Variants in TOP1MT observed in about 807,000 individuals in gnomAD.
TOP1MT encodes DNA topoisomerase I mitochondrial, also known as DNA topoisomerase I, mitochondrial.
A neutral mutation model predicts 73.9 loss-of-function variants in TOP1MT; 80 were observed. The ratio of observed to expected loss-of-function variants is 1.08; its 90% CI spans 0.90 to 1.30. The LOEUF is 1.30. Among genes scored for constraint, TOP1MT ranks in the 50% most tolerant of loss-of-function variants. The pLI is 0.00. For synonymous variants in TOP1MT, 338 were observed against 326.4 expected, an observed-to-expected ratio of 1.04 and a Z score of -0.38; for missense variants, 815 against 808.0, an observed-to-expected ratio of 1.01 and a Z score of -0.10.
upstream of TOP1MT, chr8:143,359,476 C>T (rs1468742276): frequency 7.2e-6 from 7 of 974,094 alleles, no homozygotes; most frequent in Non-Finnish European, 8.5e-6. Flanking sequence ...GCAGCCAGAC[C>T]GGCACCGCTG....
upstream of TOP1MT, among the ~76,000 whole-genome samples, chr8:143,336,395 A>G (rs934869628): frequency 1.6e-4 from 24 of 152,212 alleles, no homozygotes; most frequent in African/African-American, 5.5e-4. Context: ...TTTCATGATA[A>G]ACAGAATGGA....
At chr8:143,347,733 G>A (rs1022676434), upstream of TOP1MT, among the ~76,000 whole-genome samples, 2 of 148,154 alleles carry the variant, frequency 1.3e-5, no homozygotes, top group African/African-American at 2.6e-5. Flanking sequence ...GCCAGCCAGC[G>A]GGGAAGAGTT....
In TOP1MT at chr8:143,321,312, C is replaced by T; in HGVS notation, c.1035G>A (p.Val345=). The change falls in exon 8 of 14, where the codon GTG becomes GTA. Residue 345 remains valine, a synonymous_variant. Transcript: ENST00000329245. ...ADTVGCCSLR[V]EHVQLHPEAD... ...CCTCCGGGTGCAGCTGGACGTGCTC[C>T]ACGCGGAGGGAACAGCAGCCCACGG... is the stretch of plus-strand genomic sequence containing the variant. 1 of 1,612,160 alleles carries T rather than the reference C, an allele frequency of 6.2e-7. No homozygotes were observed. The highest frequency in any genetic ancestry group is 1.7e-5 in the Admixed American group (1 of 59,926).
At chr8:143,310,291 C>T in intron 12 of TOP1MT, 74 bp from the exon 13 acceptor site, 3 of 1,213,156 alleles carry the variant, frequency 2.5e-6, no homozygotes, top group South Asian at 1.6e-5. Flanking sequence ...ACTTCTCTGG[C>T]CCTGCCGCCT....
In TOP1MT at chr8:143,334,813, C is replaced by G. The variant is rs750632090; in HGVS notation, c.49G>C (p.Gly17Arg). Reference sequence around the variant, plus strand: ...GAGGCCGGGCGGCGGGGGACCTCCCCGAGCAGCGTCAGAGCCGCCCGGAGC... The same window carrying G: ...GAGGCCGGGCGGCGGGGGACCTCCCGGAGCAGCGTCAGAGCCGCCCGGAGC... ...LRLRAALTLL[G>R]EVPRRPASRG... The change falls in exon 1 of 14, where the codon GGG becomes CGG. Residue 17 changes from glycine (G) to arginine (R), a missense_variant. This residue lies in a region of TOP1MT where 60 missense variants were observed against 65.9 expected (regional missense o/e 0.91). Transcript: ENST00000329245. 1.3e-6 allele frequency: 2 copies of G among 1,563,420 alleles called. No homozygotes were observed. The highest frequency in any genetic ancestry group is 3.1e-5 in the African/African-American group (2 of 64,470).
Position 143,322,784 on chromosome 8 carries a change from CCA to C in TOP1MT, c.960+1213_960+1214del, listed in dbSNP as rs1200163998. Among the ~76,000 whole-genome samples, 105 of 29,260 alleles carry C rather than the reference CCA, an allele frequency of 3.6e-3. 16 individuals are homozygous for C. The highest frequency in any genetic ancestry group is 0.014 in the East Asian group (4 of 292). The allele number at this position is 29,260 out of a possible 152,430, so 19.2% of individuals were successfully genotyped here. ...CACACGCACGCCACACACAGGCACG[CCA>C]CACACATGCACACACACATGCATGC... On this transcript the variant is annotated intron_variant, in intron 7 of 13. Transcript: ENST00000329245.
intron 1 of TOP1MT, among the ~76,000 whole-genome samples, chr8:143,331,586 AGCCC>A: frequency 6.6e-6 from 1 of 152,162 alleles, no homozygotes; most frequent in East Asian, 1.9e-4. Flanking sequence ...GATCCCACCA[AGCCC>A]AGCTAAGCGG....
chr8:143,354,428 G>T (rs932206263), intron 1 of TOP1MT, among the ~76,000 whole-genome samples: 1 of 152,028 alleles, frequency 6.6e-6, no homozygotes. Flanking sequence ...AAAGAAAAAC[G>T]TTAGCCGGGC....
chr8:143,321,496 GCACGCCACACACA>G, intron 7 of TOP1MT, 110 bp from the exon 8 acceptor site: 1 of 212,814 alleles, frequency 4.7e-6, no homozygotes. Context: ...CGCCACACAC[GCACGCCACACACA>G]CGCACTCCAC....
At chr8:143,354,580 T>G (rs546246446) in intron 1 of TOP1MT, among the ~76,000 whole-genome samples, 2 of 151,890 alleles carry the variant, frequency 1.3e-5, no homozygotes, top group African/African-American at 4.8e-5. Flanking sequence ...GGCGTGGTGG[T>G]GCATGCCTGT....
In TOP1MT at chr8:143,329,412, A is replaced by C. The variant is rs1376119892; in HGVS notation, c.298T>G (p.Leu100Val). 2 of 1,610,448 alleles carry C rather than the reference A, an allele frequency of 1.2e-6. No homozygotes were observed. The highest frequency in any genetic ancestry group is 1.3e-5 in the African/African-American group (1 of 74,582). ...TCCTTTGTTGTGTATTCATGATCTA[A>C]CATCCTCCCATAAAAAGTGGCGACC... ...EEVATFYGRM[L>V]DHEYTTKEVF... Residue 100 changes from leucine to valine, a missense_variant, in exon 3 of 14, where the codon TTA becomes GTA. Physicochemically the swap from Leu to Val is conservative, Grantham distance 32. Coordinates refer to ENST00000329245, the MANE Select transcript of TOP1MT (RefSeq NM_052963.3).
upstream of TOP1MT, among the ~76,000 whole-genome samples, chr8:143,347,688 G>GCAGCCAGC (rs36222627): frequency 6.1e-4 from 91 of 150,078 alleles, no homozygotes; most frequent in Middle Eastern, 3.4e-3. Context: ...CAGCAGGCAG[G>GCAGCCAGC]CAGCCAGCCA....
upstream of TOP1MT, among the ~76,000 whole-genome samples, chr8:143,356,208 G>A (rs1000265246): frequency 1.4e-5 from 2 of 145,972 alleles, no homozygotes; most frequent in South Asian, 2.1e-4. Flanking sequence ...CTCACTCCCC[G>A]GCCCACGGCT....
At chr8:143,325,180 C>T (rs1158740878) in intron 5 of TOP1MT, among the ~76,000 whole-genome samples, 166 bp downstream of exon 5, 3 of 152,138 alleles carry the variant, frequency 2.0e-5, no homozygotes, top group Non-Finnish European at 4.4e-5. Flanking sequence ...CTGGGAAGGC[C>T]GCCCTTGCCC....
chr8:143,330,947 A>AAGGGGGGGGGGGGGGGGGGGGG (rs1816836162), intron 2 of TOP1MT, among the ~76,000 whole-genome samples: 1 of 59,864 alleles, frequency 1.7e-5, no homozygotes, highest in African/African-American at 5.0e-5. Flanking sequence ...GGGGGGAGGG[A>AAGGGGGGGGGGGGGGGGGGGGG]GGGGGGGTCC....
chr8:143,342,837 T>G (rs1022570684), intron 2 of TOP1MT, among the ~76,000 whole-genome samples: 14 of 144,112 alleles, frequency 9.7e-5, no homozygotes, highest in Non-Finnish European at 1.8e-4. Flanking sequence ...CAGGCTGGAG[T>G]GCAGTGGCGT....
intron 2 of TOP1MT, among the ~76,000 whole-genome samples, chr8:143,340,609 G>A (rs2130398009): frequency 6.6e-6 from 1 of 152,210 alleles, no homozygotes; most frequent in South Asian, 2.1e-4. Flanking sequence ...CCACCTCCCA[G>A]TCACCCTTTG....
rs202142838 is a variant in TOP1MT, at chr8:143,342,631, C to CAG, written c.29+587_29+588dup. Among the ~76,000 whole-genome samples the CAG allele has an allele frequency of 2.9e-3, 70 of 23,910 alleles. 7 individuals carry two copies. The highest frequency in any genetic ancestry group is 8.2e-3 in the African/African-American group (26 of 3,180). The allele number at this position is 23,910 out of a possible 152,430, so 15.7% of individuals were successfully genotyped here. ...CTGTTATTATTATTATTATTAGAGA[C>CAG]AGTCTCGCTCTATTATTATTATTAT... On this transcript the variant is annotated intron_variant, in intron 2 of 5. Transcript: ENST00000518007.
At chr8:143,342,470 A>G (rs1340504782) in intron 2 of TOP1MT, among the ~76,000 whole-genome samples, 1 of 85,272 alleles carries the variant, frequency 1.2e-5, no homozygotes, top group Non-Finnish European at 1.9e-5. Context: ...TCGCTCTGTT[A>G]TTATTATTAT....
Sources: gnomAD v4.1 joint callset for allele counts (sites outside exome capture counted in the v4.1 genomes callset) on GRCh38, gnomAD v4.1.1 for gene constraint, gnomAD v4.1.1 regional missense constraint, MANE v1.5 for transcripts, NCBI Gene and HGNC (gene_info 2026-07-23, HGNC 2026-07-21) for gene names.